Variants in DAB1 observed in about 807,000 individuals in gnomAD.
The protein encoded by DAB1 is DAB adaptor protein 1.
A neutral mutation model predicts 64.6 loss-of-function variants in DAB1; 15 were observed. The observed-to-expected ratio is 0.23, with a 90% CI of 0.16 to 0.36. The LOEUF is 0.36. DAB1 is among the 10% of genes least tolerant of loss of function. The pLI is 1.00. For missense variants in DAB1, 596 were observed against 706.7 expected (o/e 0.84, Z 1.78); for synonymous variants, 235 against 251.9 (o/e 0.93, Z 0.64).
At chr1:58,500,797 G>A (rs1011303529) in intron 3 of DAB1, among the ~76,000 whole-genome samples, 4 of 152,190 alleles carry the variant, frequency 2.6e-5, no homozygotes, top group Non-Finnish European at 5.9e-5. Flanking sequence ...GTTGGTAAGT[G>A]AAGTGGAGAA....
In DAB1 at chr1:57,042,910, T is replaced by TG. The variant is rs1570576609; in HGVS notation, c.724-16868_724-16867insC. On this transcript the variant is annotated intron_variant, in intron 9 of 14. Coordinates refer to ENST00000371236, the MANE Select transcript of DAB1 (RefSeq NM_001365792.1). ...AGATATGGCATTTGTTATTAGGAAC[T>TG]CCAGAAAAAAGCTGTCACATCTACC... Among the ~76,000 whole-genome samples the TG allele has an allele frequency of 2.0e-5, 3 of 151,934 alleles. No homozygotes were observed. In the East Asian group the frequency reaches 5.8e-4, roughly 30 times the overall value.
At chr1:58,077,788 C>T (rs1233312190) in intron 5 of DAB1, among the ~76,000 whole-genome samples, 1 of 152,136 alleles carries the variant, frequency 6.6e-6, no homozygotes, top group Non-Finnish European at 1.5e-5. Flanking sequence ...TGCATCTGTA[C>T]CTGGGAATCC....
chr1:57,037,220 G>A (rs1214818048), intron 9 of DAB1, among the ~76,000 whole-genome samples: 4 of 152,324 alleles, frequency 2.6e-5, no homozygotes, highest in African/African-American at 7.2e-5. Flanking sequence ...ATAATTAGCA[G>A]AAGGTTCCTA....
chr1:58,461,560 C>T (rs1645242592), intron 3 of DAB1, among the ~76,000 whole-genome samples: 1 of 152,200 alleles, frequency 6.6e-6, no homozygotes, highest in Non-Finnish European at 1.5e-5. Flanking sequence ...TTCACATAAT[C>T]ACATTAACCA....
intron 2 of DAB1, among the ~76,000 whole-genome samples, chr1:57,275,362 G>C (rs1269909011): frequency 6.6e-6 from 1 of 152,162 alleles, no homozygotes; most frequent in Non-Finnish European, 1.5e-5. Context: ...AGACAGAGAG[G>C]GCGGCAGTAG....
chr1:58,212,556 T>C (rs1294012029), intron 4 of DAB1, among the ~76,000 whole-genome samples: 3 of 152,186 alleles, frequency 2.0e-5, no homozygotes, highest in Non-Finnish European at 4.4e-5. Flanking sequence ...TTCCCACCAT[T>C]ATTCCTTCAC....
At chr1:57,869,726 G>A (rs1286472632) in intron 1 of DAB1, among the ~76,000 whole-genome samples, 3 of 152,116 alleles carry the variant, frequency 2.0e-5, no homozygotes, top group Admixed American at 1.3e-4. Flanking sequence ...TTCAGCATGT[G>A]GGAAAGCTAA....
intron 6 of DAB1, among the ~76,000 whole-genome samples, chr1:57,820,095 A>G (rs1652050667): frequency 6.6e-6 from 1 of 152,148 alleles, no homozygotes; most frequent in Non-Finnish European, 1.5e-5. Flanking sequence ...ATTAACAGAA[A>G]CCAGTGACTG....
At chr1:58,062,867 A>G (rs1168582893) in intron 5 of DAB1, among the ~76,000 whole-genome samples, 1 of 152,242 alleles carries the variant, frequency 6.6e-6, no homozygotes, top group African/African-American at 2.4e-5. Flanking sequence ...AAGAAAGCAC[A>G]CAATGAGACA....
chr1:58,307,114 C>T (rs59014102), intron 4 of DAB1, among the ~76,000 whole-genome samples: 1 of 152,126 alleles, frequency 6.6e-6, no homozygotes, highest in East Asian at 1.9e-4. Context: ...ACAAATCAAA[C>T]AATAACGTTT....
chr1:57,103,811 G>A (rs763291314), intron 4 of DAB1, among the ~76,000 whole-genome samples: 1 of 152,114 alleles, frequency 6.6e-6, no homozygotes. Flanking sequence ...GGTTGAAATG[G>A]GGACAGAAGG....
rs555795488 is a variant in DAB1 at position 57,684,834 on chromosome 1, G to A, written n.552-35169C>T. 4.6e-5 allele frequency among the ~76,000 whole-genome samples: 7 copies of A among 152,242 alleles called. No homozygotes were observed. The East Asian group carries it at 1.4e-3, about 29-fold the overall frequency. On this transcript the variant is annotated intron_variant and non_coding_transcript_variant, in intron 6 of 20. Coordinates refer to the DAB1 transcript ENST00000485760. ...AAAAGACATAGAGTGGCCAGTCAAA[G>A]AGACAAGACCTGACTGCTGTTTCCC...
At chr1:57,754,811 A>G (rs979678842) in intron 6 of DAB1, among the ~76,000 whole-genome samples, 10 of 152,208 alleles carry the variant, frequency 6.6e-5, no homozygotes, top group Non-Finnish European at 1.2e-4. Flanking sequence ...CAGCCCTGGT[A>G]TATCTGACTC....
chr1:58,172,349 A>C lies in DAB1; in HGVS notation n.310-21761T>G, dbSNP rs114150692. Among the ~76,000 whole-genome samples the C allele has an allele frequency of 6.1e-3, 927 of 152,318 alleles. 5 individuals are homozygous for C. Among genetic ancestry groups the C allele is most frequent in the African/African-American group, 0.021 (887 of 41,572 alleles). Reference sequence around the variant, plus strand: ...AATGCTGGCCTTACTGTTTACGGGTAGTTGTGGTGGTGGCCGTCTTAGCAT... The same window carrying C: ...AATGCTGGCCTTACTGTTTACGGGTCGTTGTGGTGGTGGCCGTCTTAGCAT... On this transcript the variant is annotated intron_variant and non_coding_transcript_variant, in intron 4 of 20. Coordinates refer to the DAB1 transcript ENST00000485760.
At chr1:57,720,457 T>C (rs3118023) in intron 6 of DAB1, among the ~76,000 whole-genome samples, 55,648 of 152,106 alleles carry the variant, frequency 0.37, 14,076 homozygotes, top group African/African-American at 0.72. Flanking sequence ...AGGGAAGTGT[T>C]CCCAAGGTCT....
intron 2 of DAB1, among the ~76,000 whole-genome samples, chr1:57,165,897 G>C (rs1192343159): frequency 6.6e-6 from 1 of 152,198 alleles, no homozygotes; most frequent in Non-Finnish European, 1.5e-5. Flanking sequence ...AATGTAAATA[G>C]AGGTGCCACC....
chr1:57,423,900 G>C (rs927549701), intron 1 of DAB1, 30 bp downstream of exon 1: 2 of 152,028 alleles, frequency 1.3e-5, no homozygotes, highest in African/African-American at 4.8e-5. Flanking sequence ...CTGAACTCAA[G>C]GGTTGCCGCG....
At chr1:58,408,632 G>A (rs1351470635) in intron 3 of DAB1, among the ~76,000 whole-genome samples, 2 of 152,170 alleles carry the variant, frequency 1.3e-5, no homozygotes, top group Non-Finnish European at 2.9e-5. Context: ...ACATTATATT[G>A]AGAAGTGGAG....
At chr1:58,330,035 C>T (rs572713178) in intron 4 of DAB1, among the ~76,000 whole-genome samples, 2 of 152,254 alleles carry the variant, frequency 1.3e-5, no homozygotes, top group East Asian at 3.9e-4. Context: ...TAGAAAGGCA[C>T]ATTGAAAGCT....
Sources: allele counts gnomAD v4.1 joint callset (sites outside exome capture counted in the v4.1 genomes callset), GRCh38; gene constraint gnomAD v4.1.1; transcripts MANE v1.5; gene names NCBI Gene and HGNC (gene_info 2026-07-23, HGNC 2026-07-21).